PTGDR2: variants seen among roughly 807,000 people sequenced by gnomAD.
PTGDR2 encodes prostaglandin D2 receptor 2, also known as G-protein coupled receptor 44.
For synonymous variants in PTGDR2, 276 were observed against 278.4 expected (o/e 0.99, Z 0.09); for missense variants, 544 against 576.6 (o/e 0.94, Z 0.58).
rs1262696990 is a variant in PTGDR2, at chr11:60,853,306, C to T, written c.417G>A (p.Ala139=). Reference sequence around the variant, plus strand: ...CCGCGGCCACGGTGCGGTGGTTCTGCGCCCACACCGGCCGCACCACCTGCA... The same window carrying T: ...CCGCGGCCACGGTGCGGTGGTTCTGTGCCCACACCGGCCGCACCACCTGCA... ...RCLQVVRPVW[A]QNHRTVAAAH... Residue 139 remains alanine, a synonymous_variant, in exon 2 of 2, where the codon GCG becomes GCA. Coordinates refer to ENST00000332539, the MANE Select transcript of PTGDR2 (RefSeq NM_004778.3). 3.1e-6 allele frequency: 5 copies of T among 1,611,220 alleles called. No homozygotes were observed. Among genetic ancestry groups the T allele is most frequent in the East Asian group, 2.2e-5 (1 of 44,812 alleles).
At chr11:60,854,001 T>C (rs1012913234) in intron 1 of PTGDR2, among the ~76,000 whole-genome samples, 2 of 152,200 alleles carry the variant, frequency 1.3e-5, no homozygotes, top group Non-Finnish European at 2.9e-5. Context: ...GTGAGTTTAA[T>C]ACATAAAAGC....
intron 1 of PTGDR2, among the ~76,000 whole-genome samples, chr11:60,854,242 G>A (rs768488108): frequency 2.0e-5 from 3 of 152,272 alleles, no homozygotes; most frequent in Admixed American, 1.3e-4. Flanking sequence ...CATCCACAGC[G>A]CCCCCAGATG....
chr11:60,853,043 G>T lies in PTGDR2; in HGVS notation c.680C>A (p.Ala227Glu). The change falls in exon 2 of 2, where the codon GCG becomes GAG. Residue 227 changes from alanine (A) to glutamate (E), a missense_variant. Physicochemically the swap from Ala to Glu is moderately radical, Grantham distance 107 (BLOSUM62 -1). Transcript: ENST00000332539. ...GTGCTGCAACCGCAGGCTCACGGCC[G>T]CGTGGCTCGAGGCGATGATCGCCAG... ...VPLAIIASSH[A>E]AVSLRLQHRG... is the part of the protein sequence containing the mutation. 6.4e-7 allele frequency: 1 copy of T among 1,567,066 alleles called. No individual in the cohort carries two copies. Among genetic ancestry groups the T allele is most frequent in the East Asian group, 2.3e-5 (1 of 42,590 alleles).
At chr11:60,854,792 T>C (rs1855336006) in intron 1 of PTGDR2, among the ~76,000 whole-genome samples, 1 of 152,218 alleles carries the variant, frequency 6.6e-6, no homozygotes, top group African/African-American at 2.4e-5. Flanking sequence ...ATGAGAAAAC[T>C]GAGCCTCAAG....
In PTGDR2 at chr11:60,852,338, A is replaced by C. The variant is rs1354916263; in HGVS notation, c.*197T>G. 1 of 436,450 alleles carries C rather than the reference A, an allele frequency of 2.3e-6. No homozygotes were observed. The highest frequency in any genetic ancestry group is 3.8e-6 in the Non-Finnish European group (1 of 262,574). The allele number at this position is 436,450 out of a possible 1,614,324, so 27.0% of individuals were successfully genotyped here. ...AGACCCCTAGGTGATTCACAGGCAC[A>C]TCAAGGTTTGAGAAGCACTGCTTTA... On this transcript the variant is annotated 3_prime_UTR_variant, in exon 2 of 2. Coordinates refer to ENST00000332539, the MANE Select transcript of PTGDR2 (RefSeq NM_004778.3).
chr11:60,853,822 G>T, intron 1 of PTGDR2, 91 bp from the exon 2 acceptor site: 2 of 990,668 alleles, frequency 2.0e-6, no homozygotes, highest in Non-Finnish European at 2.9e-6. Flanking sequence ...CTGCCCAGGA[G>T]ATGCCAATGT....
In PTGDR2 at chr11:60,852,776, C is replaced by T. The variant is rs755638586; in HGVS notation, c.947G>A (p.Arg316Gln). The T allele has an allele frequency of 1.9e-6, 3 of 1,548,304 alleles. No homozygotes were observed. The highest frequency in any genetic ancestry group is 1.8e-4 in the Middle Eastern group (1 of 5,668). ...LTCPDMLRKLRRSLRTVLESV... is the reference protein window; with the variant it reads ...LTCPDMLRKLQRSLRTVLESV... The stretch of plus-strand genomic sequence containing the variant: ...CTCCAGCACCGTGCGCAGCGAGCGC[C>T]GCAGCTTGCGCAGCATGTCGGGGCA... The change falls in exon 2 of 2, where the codon CGG (arginine) becomes CAG (glutamine). Residue 316 changes from arginine to glutamine, a missense_variant. Physicochemically the swap from Arg to Gln is conservative, Grantham distance 43. Transcript: ENST00000332539.
chr11:60,852,635 G>T lies in PTGDR2; in HGVS notation c.1088C>A (p.Pro363Gln). 1 of 1,331,328 alleles carries T rather than the reference G, an allele frequency of 7.5e-7. No individual in the cohort carries two copies. The highest frequency in any genetic ancestry group is 9.6e-7 in the Non-Finnish European group (1 of 1,038,064). 82.5% of individuals were successfully genotyped at this position (1,331,328 alleles called of 1,614,324 possible). The change falls in exon 2 of 2, where the codon CCG (proline) becomes CAG (glutamine). Residue 363 changes from proline (P) to glutamine (Q), a missense_variant. By Grantham distance (76) the Pro-to-Gln change is moderately conservative. Coordinates refer to ENST00000332539, the MANE Select transcript of PTGDR2 (RefSeq NM_004778.3). Reference protein sequence around the residue: ...PLALCSRPEEPRGPARLLGWL... With the variant: ...PLALCSRPEEQRGPARLLGWL... ...GCCGAGGAGACGCGCGGGGCCCCGC[G>T]GTTCCTCCGGGCGGCTGCAGAGAGC...
chr11:60,852,355 A>C lies in PTGDR2; in HGVS notation c.*180T>G. On this transcript the variant is annotated 3_prime_UTR_variant, in exon 2 of 2. Transcript: ENST00000332539. ...ACAGGCACATCAAGGTTTGAGAAGC[A>C]CTGCTTTAACTCACTGTTTCTGAAA... The C allele has an allele frequency of 2.2e-6, 1 of 462,542 alleles. No homozygotes were observed. The highest frequency in any genetic ancestry group is 3.5e-6 in the Non-Finnish European group (1 of 286,126). 28.7% of individuals were successfully genotyped at this position (462,542 alleles called of 1,614,324 possible).
Position 60,853,201 on chromosome 11 carries a change from C to A in PTGDR2, c.522G>T (p.Ser174=). ...AGCACATAATGCGCCCGTCCAGCCG[C>A]GAGATGGTGTCCCGGAACACGAAAT... ...VPYFVFRDTI[S]RLDGRIMCYY... The change falls in exon 2 of 2, where the codon TCG becomes TCT. Residue 174 remains serine, a synonymous_variant. Transcript: ENST00000332539. The A allele has an allele frequency of 6.2e-7, 1 of 1,612,212 alleles. No individual in the cohort carries two copies. Among genetic ancestry groups the A allele is most frequent in the Non-Finnish European group, 8.5e-7 (1 of 1,179,896 alleles).
chr11:60,853,839 C>A, intron 1 of PTGDR2, 108 bp from the exon 2 acceptor site: 1 of 811,628 alleles, frequency 1.2e-6, no homozygotes, highest in Non-Finnish European at 1.9e-6. Flanking sequence ...ATGTGACCCA[C>A]GAATATATTG....
rs771193369 is a variant in PTGDR2, at chr11:60,853,606, G to A, written c.117C>T (p.His39=). The A allele has an allele frequency of 9.0e-6, 14 of 1,556,468 alleles. No individual in the cohort carries two copies. The highest frequency in any genetic ancestry group is 7.2e-5 in the East Asian group (3 of 41,408). Residue 39 remains histidine (H), a synonymous_variant, in exon 2 of 2, where the codon CAC becomes CAT. Transcript: ENST00000332539. ...RYIDHAAVLL[H]GLASLLGLVE... is the part of the protein sequence containing the mutation. ...CCAGGCCCAGCAGCGAGGCCAGCCC[G>A]TGCAGCAGCACGGCCGCGTGGTCGA...
At position 60,852,965 on chromosome 11, in the gene PTGDR2, G is replaced by C; in HGVS notation, c.758C>G (p.Ala253Gly). 1 of 1,395,454 alleles carries C rather than the reference G, an allele frequency of 7.2e-7. No individual in the cohort carries two copies. Among genetic ancestry groups the C allele is most frequent in the South Asian group, 1.6e-5 (1 of 61,852 alleles). 86.4% of individuals were successfully genotyped at this position (1,395,454 alleles called of 1,614,324 possible). A position where few individuals can be genotyped will look rare whatever the true frequency, so the allele number is the denominator to read the frequency against. Residue 253 changes from alanine to glycine, a missense_variant, in exon 2 of 2, where the codon GCC (alanine) becomes GGC (glycine). Coordinates refer to ENST00000332539, the MANE Select transcript of PTGDR2 (RefSeq NM_004778.3). ...GGGCCCCCAGCAGAGCGCGAAGGCG[G>C]CCACGACGGCCGCCACCAGGCGCAC... ...RFVRLVAAVV[A>G]AFALCWGPYH... is the part of the protein sequence containing the mutation.
rs1855316356 is a variant in PTGDR2, at chr11:60,853,620, C to T, written c.103G>A (p.Ala35Thr). ...NTSIRYIDHA[A>T]VLLHGLASLL... The stretch of plus-strand genomic sequence containing the variant: ...GAGGCCAGCCCGTGCAGCAGCACGG[C>T]CGCGTGGTCGATGTAGCGGATGCTG... The change falls in exon 2 of 2, where the codon GCC becomes ACC. Residue 35 changes from alanine to threonine, a missense_variant. Ala to Thr is a moderately conservative substitution (Grantham distance 58). Transcript: ENST00000332539. The T allele has an allele frequency of 7.1e-6, 11 of 1,556,772 alleles. No individual in the cohort carries two copies. The highest frequency in any genetic ancestry group is 3.3e-4 in the Middle Eastern group (2 of 6,000).
At position 60,852,648 on chromosome 11, in the gene PTGDR2, G is replaced by A. The variant is rs1855288418; in HGVS notation, c.1075C>T (p.Arg359Cys). The A allele has an allele frequency of 7.4e-7, 1 of 1,345,628 alleles. No homozygotes were observed. The highest frequency in any genetic ancestry group is 9.6e-7 in the Non-Finnish European group (1 of 1,044,178). 83.4% of individuals were successfully genotyped at this position (1,345,628 alleles called of 1,614,324 possible). A position where few individuals can be genotyped will look rare whatever the true frequency, so the allele number is the denominator to read the frequency against. Residue 359 changes from arginine to cysteine, a missense_variant, in exon 2 of 2, where the codon CGC becomes TGC. Coordinates refer to ENST00000332539, the MANE Select transcript of PTGDR2 (RefSeq NM_004778.3). ...GCGGGGCCCCGCGGTTCCTCCGGGC[G>A]GCTGCAGAGAGCTAAAGGGGAGGCC... ...RSASPLALCS[R>C]PEEPRGPARL...
rs780977793 is a variant in PTGDR2, at chr11:60,853,368, C to T, written c.355G>A (p.Gly119Ser). The change falls in exon 2 of 2, where the codon GGC (glycine) becomes AGC (serine). Residue 119 changes from glycine to serine, a missense_variant. Gly to Ser is a moderately conservative substitution (Grantham distance 56). Coordinates refer to ENST00000332539, the MANE Select transcript of PTGDR2 (RefSeq NM_004778.3). The stretch of plus-strand genomic sequence containing the variant: ...AGGCTGATGGCGCTGAGCAGGAAGC[C>T]GCTGGCGAACATGTTGAGAAAGAAG... ...SIFFLNMFAS[G>S]FLLSAISLDR... 13 of 1,601,672 alleles carry T rather than the reference C, an allele frequency of 8.1e-6. No homozygotes were observed. The East Asian group carries it at 2.7e-4, about 33-fold the overall frequency.
chr11:60,852,661 TA>T lies in PTGDR2; in HGVS notation c.1061del (p.Leu354Ter). The T allele has an allele frequency of 7.2e-7, 1 of 1,386,156 alleles. No homozygotes were observed. The highest frequency in any genetic ancestry group is 9.4e-7 in the Non-Finnish European group (1 of 1,063,582). The allele number at this position is 1,386,156 out of a possible 1,614,324, so 85.9% of individuals were successfully genotyped here. A position where few individuals can be genotyped will look rare whatever the true frequency, so the allele number is the denominator to read the frequency against. On this transcript the variant is annotated frameshift_variant, in exon 2 of 2. Coordinates refer to ENST00000332539, the MANE Select transcript of PTGDR2 (RefSeq NM_004778.3). LOFTEE classifies it low-confidence loss of function (END_TRUNC). ...TSSTARSASPLALCSRPEEPR... is the reference protein window; with the variant it reads ...TSSTARSASPXALCSRPEEPR... ...GTTCCTCCGGGCGGCTGCAGAGAGC[TA>T]AAGGGGAGGCCGAGCGGGCGGTGGA...
At chr11:60,855,820 G>A (rs930945732) in intron 1 of PTGDR2, 49 bp downstream of exon 1, 23 of 152,342 alleles carry the variant, frequency 1.5e-4, no homozygotes, top group Non-Finnish European at 2.8e-4. Flanking sequence ...TCTTCTGTGG[G>A]TCTAGAGAGG....
rs1855311496 is a variant in PTGDR2 at position 60,853,390 on chromosome 11, G to A, written c.333C>T (p.Phe111=). 6.3e-6 allele frequency: 10 copies of A among 1,590,010 alleles called. No individual in the cohort carries two copies. Among genetic ancestry groups the A allele is most frequent in the Non-Finnish European group, 8.6e-6 (10 of 1,168,262 alleles). ...AGCCGCTGGCGAACATGTTGAGAAA[G>A]AAGATGGAGGAGTGCAGTTTGCAGA... is the stretch of plus-strand genomic sequence containing the variant. ...TTFCKLHSSI[F]FLNMFASGFL... The change falls in exon 2 of 2, where the codon TTC becomes TTT. Residue 111 remains phenylalanine, a synonymous_variant. Transcript: ENST00000332539.
Sources: gnomAD v4.1 joint callset for allele counts (sites outside exome capture counted in the v4.1 genomes callset) on GRCh38, gnomAD v4.1.1 for gene constraint, MANE v1.5 for transcripts, NCBI Gene and HGNC (gene_info 2026-07-23, HGNC 2026-07-21) for gene names.